The following PPP4R3A variants were observed in gnomAD, a reference collection of about 807,000 sequenced individuals.
PPP4R3A encodes protein phosphatase 4 regulatory subunit 3A.
A neutral mutation model predicts 91.7 loss-of-function variants in PPP4R3A; 15 were observed. The ratio of observed to expected loss-of-function variants is 0.16; its 90% CI spans 0.11 to 0.25. The LOEUF (loss-of-function observed/expected upper bound fraction) is 0.25, where lower values mean the gene tolerates loss of function less well. Among genes scored for constraint, PPP4R3A ranks in the 10% least tolerant of loss-of-function variants. The probability of loss-of-function intolerance (pLI) is 1.00; values close to 1 mark genes in which losing one functional copy is unlikely to be tolerated. For synonymous variants in PPP4R3A, 377 were observed against 348.7 expected (o/e 1.08, Z -0.91); for missense variants, 623 against 998.4 (o/e 0.62, Z 5.07).
rs1224558470 is a variant in PPP4R3A at position 91,472,478 on chromosome 14, G to A, written c.1501+555C>T. On this transcript the variant is annotated intron_variant, in intron 9 of 14. Transcript: ENST00000554943. ...AAATTGTTTTTTTTTTTTTTTTTTT[G>A]AGTTGAAGTCTCACTCTGTCGCCCA... Among the ~76,000 whole-genome samples the A allele has an allele frequency of 2.2e-4, 12 of 55,626 alleles. No individual in the cohort carries two copies. In the South Asian group the frequency reaches 5.8e-3, roughly 27 times the overall value. The allele number at this position is 55,626 out of a possible 152,430, so 36.5% of individuals were successfully genotyped here.
Position 91,481,967 on chromosome 14 carries a change from T to C in PPP4R3A, c.524A>G (p.Glu175Gly). 1 of 1,614,042 alleles carries C rather than the reference T, an allele frequency of 6.2e-7. No homozygotes were observed. Among genetic ancestry groups the C allele is most frequent in the Non-Finnish European group, 8.5e-7 (1 of 1,180,000 alleles). ...ENEGYIKKLL[E>G]LFHVCEDLEN... ...CAAATCTTCACACACATGAAAAAGC[T>C]CCAGGAGCTTTTTAATATAACCCTC... Residue 175 changes from glutamate to glycine, a missense_variant, in exon 4 of 15, where the codon GAG becomes GGG. Physicochemically the swap from Glu to Gly is moderately conservative, Grantham distance 98. Around this residue, in one of 5 missense-constraint regions of PPP4R3A, gnomAD observed 264 missense variants for 377.3 expected, o/e 0.70. Transcript: ENST00000554943.
chr14:91,492,285 G>A (rs1200294447), intron 1 of PPP4R3A, among the ~76,000 whole-genome samples: 2 of 152,162 alleles, frequency 1.3e-5, no homozygotes, highest in Non-Finnish European at 2.9e-5. Context: ...CTCTGCAACT[G>A]TCTCTCATAC....
In PPP4R3A at chr14:91,458,597, G is replaced by A. The variant is rs1291428037; in HGVS notation, c.*162C>T. ...TAAATATATGATATCCCCTCCTCCT[G>A]CTCCATTGAATTGGCACTTGATGAG... is the stretch of plus-strand genomic sequence containing the variant. On this transcript the variant is annotated 3_prime_UTR_variant, in exon 15 of 15. Coordinates refer to ENST00000554943, the MANE Select transcript of PPP4R3A (RefSeq NM_001366432.2). The A allele has an allele frequency of 5.1e-6, 5 of 986,144 alleles. No homozygotes were observed. The East Asian group carries it at 1.2e-4, about 24-fold the overall frequency. 61.1% of individuals were successfully genotyped at this position (986,144 alleles called of 1,614,324 possible).
chr14:91,472,009 G>T (rs1427835760), intron 9 of PPP4R3A, among the ~76,000 whole-genome samples: 1 of 144,266 alleles, frequency 6.9e-6, no homozygotes, highest in Admixed American at 7.3e-5. Context: ...AGGTTGCAGT[G>T]AGCCGAGATC....
chr14:91,463,365 A>G (rs1888278997), intron 11 of PPP4R3A, among the ~76,000 whole-genome samples: 1 of 151,982 alleles, frequency 6.6e-6, no homozygotes, highest in South Asian at 2.1e-4. Context: ...GCACCCAGCT[A>G]TCTATGGGTC....
At chr14:91,499,156 T>A (rs959606465) in intron 1 of PPP4R3A, among the ~76,000 whole-genome samples, 2 of 151,120 alleles carry the variant, frequency 1.3e-5, no homozygotes, top group Non-Finnish European at 2.9e-5. Flanking sequence ...TTCCAGCCGC[T>A]TGGGAGGCTG....
intron 1 of PPP4R3A, among the ~76,000 whole-genome samples, 168 bp downstream of exon 1, chr14:91,509,338 G>T (rs999004396): frequency 6.6e-6 from 1 of 152,196 alleles, no homozygotes. Flanking sequence ...GCTCTCCGGG[G>T]AGCTCCCGCA....
rs1244649249 is a variant in PPP4R3A, at chr14:91,473,136, C to A, written c.1399-1G>T. On this transcript the variant is annotated splice_acceptor_variant, in intron 8 of 14. Transcript: ENST00000554943. LOFTEE classifies it high-confidence loss of function. ...CCAGAAATTCAGTCTTTTCTGTTTT[C>A]TAAGGAAACAAGAACAATTCCATGA... is the stretch of plus-strand genomic sequence containing the variant. The A allele has an allele frequency of 6.2e-7, 1 of 1,613,948 alleles. No homozygotes were observed.
At chr14:91,502,201 C>T (rs1891008679) in intron 1 of PPP4R3A, among the ~76,000 whole-genome samples, 1 of 152,022 alleles carries the variant, frequency 6.6e-6, no homozygotes, top group South Asian at 2.1e-4. Flanking sequence ...AGGAGCATTG[C>T]TTGAGGCAGG....
intron 3 of PPP4R3A, 39 bp downstream of exon 3, chr14:91,485,593 T>G: frequency 6.9e-7 from 1 of 1,452,876 alleles, no homozygotes; most frequent in Non-Finnish European, 9.5e-7. Flanking sequence ...AACTAAACAC[T>G]TAAAGAAAGC....
At chr14:91,463,253 T>TG (rs1339906948) in intron 11 of PPP4R3A, among the ~76,000 whole-genome samples, 5 of 151,916 alleles carry the variant, frequency 3.3e-5, no homozygotes, top group South Asian at 2.1e-4. Flanking sequence ...TTAGTAGAGA[T>TG]GGGGTGTCTC....
At chr14:91,471,860 T>C (rs1400255558) in intron 9 of PPP4R3A, among the ~76,000 whole-genome samples, 1 of 152,054 alleles carries the variant, frequency 6.6e-6, no homozygotes, top group Non-Finnish European at 1.5e-5. Context: ...GGCCAGGAGT[T>C]TGAGACCAGC....
At chr14:91,503,649 G>C (rs1891098792) in intron 1 of PPP4R3A, among the ~76,000 whole-genome samples, 1 of 152,066 alleles carries the variant, frequency 6.6e-6, no homozygotes, top group Non-Finnish European at 1.5e-5. Flanking sequence ...GGGTTGATCT[G>C]TGCAGCAAAC....
intron 9 of PPP4R3A, among the ~76,000 whole-genome samples, chr14:91,472,434 G>C (rs1251892386): frequency 6.7e-6 from 1 of 148,152 alleles, no homozygotes; most frequent in Non-Finnish European, 1.5e-5. Flanking sequence ...TCTGTTATCT[G>C]ATTACAGTAC....
chr14:91,479,075 T>C (rs1889379266), intron 4 of PPP4R3A, among the ~76,000 whole-genome samples: 1 of 152,114 alleles, frequency 6.6e-6, no homozygotes, highest in Admixed American at 6.5e-5. Flanking sequence ...CTCTGCCTCC[T>C]GGATTCAAGC....
At chr14:91,486,065 A>G (rs1275700872) in intron 2 of PPP4R3A, among the ~76,000 whole-genome samples, 1 of 152,198 alleles carries the variant, frequency 6.6e-6, no homozygotes, top group Non-Finnish European at 1.5e-5. Context: ...TAAAATGTCC[A>G]AAGAGGAAAT....
Position 91,509,729 on chromosome 14 carries a change from G to A in PPP4R3A, c.-82C>T, listed in dbSNP as rs1160404948. On this transcript the variant is annotated 5_prime_UTR_variant, in exon 1 of 15. Transcript: ENST00000554943. ...CCTGGAGAGGCGAGGGGCGAGGCGTGAGGGCGCCCGCGAGCGGAGGGCTCC... is the reference window on the plus strand; with the variant it reads ...CCTGGAGAGGCGAGGGGCGAGGCGTAAGGGCGCCCGCGAGCGGAGGGCTCC... 9.9e-6 allele frequency: 14 copies of A among 1,411,860 alleles called. No homozygotes were observed. Among genetic ancestry groups the A allele is most frequent in the Non-Finnish European group, 9.2e-7 (1 of 1,091,658 alleles). 87.5% of individuals were successfully genotyped at this position (1,411,860 alleles called of 1,614,324 possible).
chr14:91,508,981 G>A (rs1268410636), intron 1 of PPP4R3A, among the ~76,000 whole-genome samples: 1 of 152,200 alleles, frequency 6.6e-6, no homozygotes, highest in Admixed American at 6.5e-5. Context: ...GCCAGATACA[G>A]TGTTGCCAAG....
chr14:91,458,925 G>A (rs1048346072), intron 14 of PPP4R3A, 56 bp from the exon 15 acceptor site: 18 of 1,504,826 alleles, frequency 1.2e-5, no homozygotes, highest in Non-Finnish European at 1.6e-5. Context: ...TAAAAACACT[G>A]GTGTTTTCTG....
Sources: allele counts gnomAD v4.1 joint callset (sites outside exome capture counted in the v4.1 genomes callset), GRCh38; gene constraint gnomAD v4.1.1; regional missense constraint gnomAD v4.1.1; transcripts MANE v1.5; gene names NCBI Gene and HGNC (gene_info 2026-07-23, HGNC 2026-07-21).